STAG1: variants seen among roughly 807,000 people sequenced by gnomAD.
STAG1 encodes cohesin subunit SA-1.
STAG1 carries 26 observed loss-of-function variants against 170.9 expected under a neutral mutation model. That is an observed-to-expected ratio of 0.15 (90% CI 0.11 to 0.21). The LOEUF is 0.21. STAG1 is among the 10% of genes least tolerant of loss of function. The pLI, the probability that STAG1 is intolerant of heterozygous loss-of-function variation, is 1.00. For missense variants in STAG1, 964 were observed against 1,509.5 expected, an observed-to-expected ratio of 0.64 and a Z score of 5.99; for synonymous variants, 514 against 497.7, an observed-to-expected ratio of 1.03 and a Z score of -0.44.
intron 21 of STAG1, among the ~76,000 whole-genome samples, chr3:136,406,459 T>TA (rs2087487174): frequency 6.6e-6 from 1 of 152,202 alleles, no homozygotes; most frequent in African/African-American, 2.4e-5. Flanking sequence ...ATGAAACTGT[T>TA]ATGTATCTTG....
At chr3:136,714,198 TACCCCCC>T (rs1261843153) in intron 1 of STAG1, among the ~76,000 whole-genome samples, 1 of 151,940 alleles carries the variant, frequency 6.6e-6, no homozygotes, top group Admixed American at 6.6e-5. Context: ...AGCAAGGCCC[TACCCCCC>T]AAAAAAGTGT....
At chr3:136,650,169 G>A (rs1369660683) in intron 1 of STAG1, among the ~76,000 whole-genome samples, 1 of 151,308 alleles carries the variant, frequency 6.6e-6, no homozygotes, top group African/African-American at 2.4e-5. Context: ...CCAGGCAGTC[G>A]AGGCTGCAGT....
chr3:136,524,995 G>C (rs1934923076), intron 6 of STAG1, among the ~76,000 whole-genome samples: 1 of 152,150 alleles, frequency 6.6e-6, no homozygotes. Context: ...GATTCAGTTT[G>C]CCGGTATTTT....
intron 9 of STAG1, among the ~76,000 whole-genome samples, chr3:136,497,049 A>G (rs1420104170): frequency 1.3e-5 from 2 of 152,154 alleles, no homozygotes; most frequent in Non-Finnish European, 2.9e-5. Context: ...ACCAAAGTTT[A>G]CTCAGGAACA....
chr3:136,633,277 A>G (rs529147554), intron 1 of STAG1, among the ~76,000 whole-genome samples: 3 of 152,202 alleles, frequency 2.0e-5, no homozygotes, highest in South Asian at 2.1e-4. Flanking sequence ...TGACATAACT[A>G]AAGTGCTGAA....
intron 21 of STAG1, among the ~76,000 whole-genome samples, chr3:136,406,940 A>G (rs1227371876): frequency 1.3e-5 from 2 of 152,260 alleles, no homozygotes; most frequent in African/African-American, 4.8e-5. Flanking sequence ...AAGCTTACAT[A>G]TAAATTCCAA....
At chr3:136,443,114 C>T (rs985657362) in intron 15 of STAG1, among the ~76,000 whole-genome samples, 173 bp downstream of exon 15, 3 of 152,180 alleles carry the variant, frequency 2.0e-5, no homozygotes, top group African/African-American at 7.2e-5. Flanking sequence ...TATATGGAAA[C>T]ATGTTAGAAA....
intron 4 of STAG1, among the ~76,000 whole-genome samples, chr3:136,591,161 C>T (rs72971459): frequency 0.012 from 1,658 of 133,354 alleles, 22 homozygotes; most frequent in African/African-American, 0.044. Flanking sequence ...TTACTAATAG[C>T]TTTAATGAGT....
At chr3:136,556,666 T>G (rs1466324774) in intron 5 of STAG1, among the ~76,000 whole-genome samples, 2 of 151,946 alleles carry the variant, frequency 1.3e-5, no homozygotes, top group African/African-American at 4.8e-5. Context: ...CACTGCAATC[T>G]TCACCTCCTG....
At chr3:136,524,085 T>C (rs1190496703) in intron 6 of STAG1, among the ~76,000 whole-genome samples, 1 of 152,196 alleles carries the variant, frequency 6.6e-6, no homozygotes, top group Non-Finnish European at 1.5e-5. Context: ...CGGGCTCTTT[T>C]TTGGTCCCAT....
intron 12 of STAG1, 21 bp from the exon 13 acceptor site, chr3:136,465,009 C>A: frequency 6.4e-7 from 1 of 1,551,430 alleles, no homozygotes; most frequent in South Asian, 1.2e-5. Flanking sequence ...CAGAAAGTAA[C>A]ATCTGATCTA....
intron 9 of STAG1, among the ~76,000 whole-genome samples, chr3:136,489,344 A>G (rs1297064339): frequency 6.6e-6 from 1 of 152,376 alleles, no homozygotes; most frequent in Admixed American, 6.5e-5. Flanking sequence ...TTTTCTGCTT[A>G]TAACAAAATG....
At chr3:136,566,934 C>G (rs571358608) in intron 5 of STAG1, among the ~76,000 whole-genome samples, 52 of 152,200 alleles carry the variant, frequency 3.4e-4, no homozygotes, top group Middle Eastern at 3.4e-3. Flanking sequence ...GGAGAAAGGT[C>G]TCTATACACT....
chr3:136,750,428 A>G (rs1015405118), intron 1 of STAG1, among the ~76,000 whole-genome samples: 1 of 152,220 alleles, frequency 6.6e-6, no homozygotes, highest in Non-Finnish European at 1.5e-5. Flanking sequence ...CCCCTACACC[A>G]TAGTGCCTTT....
intron 6 of STAG1, among the ~76,000 whole-genome samples, chr3:136,534,539 ACAACT>A (rs1016617936): frequency 7.2e-5 from 11 of 152,174 alleles, no homozygotes; most frequent in Non-Finnish European, 1.3e-4. Context: ...CTGAAAATAA[ACAACT>A]CAACAATGAA....
chr3:136,610,384 G>A (rs1182651917), intron 3 of STAG1, among the ~76,000 whole-genome samples: 2 of 152,118 alleles, frequency 1.3e-5, no homozygotes, highest in African/African-American at 4.8e-5. Context: ...AAAACTCCTT[G>A]ATCATGGCTC....
intron 21 of STAG1, among the ~76,000 whole-genome samples, chr3:136,400,018 G>A (rs2087273640): frequency 6.6e-6 from 1 of 151,820 alleles, no homozygotes; most frequent in African/African-American, 2.4e-5. Flanking sequence ...AGCCTCCCTG[G>A]CTCAGGTGGT....
intron 9 of STAG1, among the ~76,000 whole-genome samples, chr3:136,488,757 A>T (rs1049197786): frequency 6.6e-6 from 1 of 152,176 alleles, no homozygotes; most frequent in Non-Finnish European, 1.5e-5. Flanking sequence ...ATTCAAGGAG[A>T]TACAGTATAA....
At chr3:136,366,837 T>G in intron 25 of STAG1, 106 bp downstream of exon 25, 1 of 869,580 alleles carries the variant, frequency 1.1e-6, no homozygotes, top group Non-Finnish European at 1.7e-6. Flanking sequence ...ATCATCCACA[T>G]TACATAGGTG....
Sources: gnomAD v4.1 joint callset for allele counts (sites outside exome capture counted in the v4.1 genomes callset) on GRCh38, gnomAD v4.1.1 for gene constraint, MANE v1.5 for transcripts, NCBI Gene and HGNC (gene_info 2026-07-23, HGNC 2026-07-21) for gene names.